MIR2052HG: variants seen among roughly 807,000 people sequenced by gnomAD.
MIR2052HG encodes MIR2052 host gene.
rs185394120 is a variant in MIR2052HG at position 74,640,632 on chromosome 8, A to G, written n.216+27692A>G. Reference sequence around the variant, plus strand: ...ATCCACTTGCTCTTTATGTTCTTATAAGGACTCAGGTACAAATTAGGGAAA... The same window carrying G: ...ATCCACTTGCTCTTTATGTTCTTATGAGGACTCAGGTACAAATTAGGGAAA... On this transcript the variant is annotated intron_variant and non_coding_transcript_variant, in intron 2 of 6. Coordinates refer to ENST00000523442, the Ensembl canonical transcript of MIR2052HG. 9.2e-5 allele frequency among the ~76,000 whole-genome samples: 14 copies of G among 152,248 alleles called. No homozygotes were observed. In the East Asian group the frequency reaches 2.7e-3, roughly 29 times the overall value.
chr8:74,708,476 G>A (rs968390524), intron 4 of MIR2052HG, among the ~76,000 whole-genome samples: 1 of 152,080 alleles, frequency 6.6e-6, no homozygotes, highest in African/African-American at 2.4e-5. Context: ...AGAAGAGATA[G>A]TTCCCACAAC....
chr8:74,687,087 G>A (rs1809188816), intron 2 of MIR2052HG, among the ~76,000 whole-genome samples: 1 of 152,096 alleles, frequency 6.6e-6, no homozygotes, highest in Admixed American at 6.6e-5. Flanking sequence ...GCCAGCAAGT[G>A]TATGAAAAGA....
At chr8:74,605,227 G>A (rs747294321) in intron 1 of MIR2052HG, among the ~76,000 whole-genome samples, 9 of 152,100 alleles carry the variant, frequency 5.9e-5, no homozygotes, top group Non-Finnish European at 1.3e-4. Flanking sequence ...TTTACATGAG[G>A]GGTAACTGAC....
At chr8:74,642,651 G>A (rs1808650690) in intron 2 of MIR2052HG, among the ~76,000 whole-genome samples, 1 of 152,008 alleles carries the variant, frequency 6.6e-6, no homozygotes, top group Non-Finnish European at 1.5e-5. Flanking sequence ...TCTTTAGAAG[G>A]CAGTACCACC....
chr8:74,756,116 G>C (rs2128757219), intron 5 of MIR2052HG, among the ~76,000 whole-genome samples: 1 of 152,260 alleles, frequency 6.6e-6, no homozygotes, highest in African/African-American at 2.4e-5. Context: ...TGCTAGAATG[G>C]CTTACAAAAC....
intron 4 of MIR2052HG, among the ~76,000 whole-genome samples, chr8:74,743,802 T>C (rs576396102): frequency 4.6e-5 from 7 of 152,252 alleles, no homozygotes; most frequent in African/African-American, 1.7e-4. Flanking sequence ...CAAACCATTA[T>C]TTCATAACTC....
chr8:74,755,163 G>A (rs570195288), intron 5 of MIR2052HG, among the ~76,000 whole-genome samples: 2 of 152,296 alleles, frequency 1.3e-5, no homozygotes, highest in East Asian at 1.9e-4. Flanking sequence ...TAGAGATTGC[G>A]ATTGTCTTCC....
intron 2 of MIR2052HG, among the ~76,000 whole-genome samples, chr8:74,661,735 G>C (rs1808867430): frequency 1.3e-5 from 2 of 152,150 alleles, no homozygotes; most frequent in African/African-American, 4.8e-5. Flanking sequence ...GAAAAAGCAA[G>C]GGGAAATCGG....
intron 4 of MIR2052HG, among the ~76,000 whole-genome samples, chr8:74,748,725 G>T (rs1325996230): frequency 6.6e-6 from 1 of 152,270 alleles, no homozygotes; most frequent in East Asian, 1.9e-4. Flanking sequence ...TGTCTCTATT[G>T]TTTGGCTACT....
chr8:74,608,208 T>G (rs1211215145), intron 1 of MIR2052HG, among the ~76,000 whole-genome samples: 1 of 150,888 alleles, frequency 6.6e-6, no homozygotes, highest in Non-Finnish European at 1.5e-5. Context: ...CTAGAGCTTC[T>G]AAGCACATAA....
chr8:74,646,480 G>C (rs1163748021), intron 2 of MIR2052HG, among the ~76,000 whole-genome samples: 1 of 152,200 alleles, frequency 6.6e-6, no homozygotes, highest in East Asian at 1.9e-4. Flanking sequence ...GGATAGTAGT[G>C]ACATTGACAG....
intron 2 of MIR2052HG, among the ~76,000 whole-genome samples, chr8:74,641,900 C>T (rs1338449234): frequency 1.3e-5 from 2 of 152,120 alleles, no homozygotes; most frequent in African/African-American, 4.8e-5. Flanking sequence ...TATATTGTCT[C>T]AGCCCAGGGG....
At chr8:74,607,905 G>A (rs117732880) in intron 1 of MIR2052HG, among the ~76,000 whole-genome samples, 2,266 of 152,250 alleles carry the variant, frequency 0.015, 18 homozygotes, top group Non-Finnish European at 0.019. Flanking sequence ...TATTATGAAT[G>A]GCACACAAGG....
chr8:74,600,204 G>A (rs141968395), intron 1 of MIR2052HG, among the ~76,000 whole-genome samples: 1,968 of 152,196 alleles, frequency 0.013, 41 homozygotes, highest in African/African-American at 0.044. Flanking sequence ...CACTCACGCT[G>A]GGAGCTGTAG....
intron 2 of MIR2052HG, among the ~76,000 whole-genome samples, chr8:74,691,414 G>T (rs994571079): frequency 6.6e-6 from 1 of 152,182 alleles, no homozygotes; most frequent in African/African-American, 2.4e-5. Flanking sequence ...ACCTTTCAGA[G>T]GTGCACTGAA....
At chr8:74,703,963 A>G (rs964260895) in intron 4 of MIR2052HG, among the ~76,000 whole-genome samples, 10 of 152,016 alleles carry the variant, frequency 6.6e-5, no homozygotes, top group African/African-American at 2.4e-4. Flanking sequence ...TTATCAGACT[A>G]TGGATTGCCT....
At chr8:74,669,657 GTCTTTTGTACACACCAGT>G (rs1808969506) in intron 2 of MIR2052HG, among the ~76,000 whole-genome samples, 1 of 152,088 alleles carries the variant, frequency 6.6e-6, no homozygotes, top group Admixed American at 6.6e-5. Flanking sequence ...CTTTCTCTCT[GTCTTTTGTACACACCAGT>G]TCTTTTTCAT....
At chr8:74,687,245 G>A (rs1305008079) in intron 2 of MIR2052HG, among the ~76,000 whole-genome samples, 2 of 152,112 alleles carry the variant, frequency 1.3e-5, no homozygotes, top group Admixed American at 6.6e-5. Context: ...CACCATTGGT[G>A]GGAATGTAAA....
At chr8:74,633,664 T>A (rs1179899059) in intron 2 of MIR2052HG, among the ~76,000 whole-genome samples, 1 of 152,226 alleles carries the variant, frequency 6.6e-6, no homozygotes, top group East Asian at 1.9e-4. Context: ...TGTTTAGGTA[T>A]TTGTTTGCAT....
Sources: allele counts gnomAD v4.1 joint callset (sites outside exome capture counted in the v4.1 genomes callset), GRCh38; gene constraint gnomAD v4.1.1; transcripts MANE v1.5; gene names NCBI Gene and HGNC (gene_info 2026-07-23, HGNC 2026-07-21).